MACROD1: variants seen among roughly 807,000 people sequenced by gnomAD.
The protein encoded by MACROD1 is mono-ADP ribosylhydrolase 1, also known as ADP-ribose glycohydrolase MACROD1.
Under a neutral mutation model 41.4 loss-of-function variants are expected in MACROD1, and 31 were observed. The ratio of observed to expected loss-of-function variants is 0.75; its 90% confidence interval spans 0.56 to 1.01. The LOEUF is 1.01. MACROD1 is among the 50% of genes least tolerant of loss of function. The probability of loss-of-function intolerance (pLI) is 0.00; values close to 1 mark genes in which losing one functional copy is unlikely to be tolerated. For synonymous variants in MACROD1, 252 were observed against 203.4 expected (o/e 1.24, Z -2.03); for missense variants, 473 against 460.0 (o/e 1.03, Z -0.26).
chr11:64,117,083 G>A (rs1231463806), intron 3 of MACROD1: 14 of 1,603,064 alleles, frequency 8.7e-6, no homozygotes, highest in Non-Finnish European at 1.2e-5. Context: ...GCGCCCACCT[G>A]CAGAAGCTCT....
rs1365966616 is a variant in MACROD1 at position 64,146,084 on chromosome 11, T to C, written c.517+5155A>G. Among the ~76,000 whole-genome samples, 1 of 152,160 alleles carries C rather than the reference T, an allele frequency of 6.6e-6. No individual in the cohort carries two copies. Among genetic ancestry groups the C allele is most frequent in the African/African-American group, 2.4e-5 (1 of 41,444 alleles). The stretch of plus-strand genomic sequence containing the variant: ...CGTGCCTGGCCAAGAATGGGGATCT[T>C]TCTTTGTGCCCGGACATGTCCTGCC... On this transcript the variant is annotated intron_variant, in intron 3 of 10. Coordinates refer to ENST00000255681, the MANE Select transcript of MACROD1 (RefSeq NM_014067.4). This position sits in a 1 kb window ranked among gnomAD's most constrained non-coding sequence, Gnocchi z 4.7.
At chr11:64,021,769 C>A (rs1943155252) in intron 3 of MACROD1, among the ~76,000 whole-genome samples, 1 of 152,010 alleles carries the variant, frequency 6.6e-6, no homozygotes, top group Non-Finnish European at 1.5e-5. Context: ...GTGCAGCCAG[C>A]CCCACCGTGT....
intron 1 of MACROD1, among the ~76,000 whole-genome samples, chr11:64,155,192 G>T (rs1276911001): frequency 6.6e-6 from 1 of 152,236 alleles, no homozygotes; most frequent in African/African-American, 2.4e-5. Flanking sequence ...TAAGTACAGA[G>T]TCTTCTAGGC....
intron 3 of MACROD1, among the ~76,000 whole-genome samples, chr11:64,125,465 T>G (rs543397552): frequency 6.5e-4 from 99 of 152,158 alleles, no homozygotes; most frequent in Non-Finnish European, 1.3e-3. Context: ...CGAGGCCGCC[T>G]CCTCCTCTCA....
intron 3 of MACROD1, among the ~76,000 whole-genome samples, chr11:64,139,683 G>A (rs1945383122): frequency 6.6e-6 from 1 of 150,376 alleles, no homozygotes; most frequent in Non-Finnish European, 1.5e-5. Flanking sequence ...CTGGCCGGGT[G>A]CGGTGGCTCA....
At chr11:64,116,437 T>C (rs1247044622) in intron 3 of MACROD1, 1 of 1,614,010 alleles carries the variant, frequency 6.2e-7, no homozygotes, top group East Asian at 2.2e-5. Flanking sequence ...TGCCCCTCGG[T>C]GTGCCGCTGC....
intron 3 of MACROD1, among the ~76,000 whole-genome samples, chr11:64,031,476 CT>C (rs386373983): frequency 0.045 from 5,153 of 114,684 alleles, 103 homozygotes; most frequent in South Asian, 0.12. Context: ...GCCTGCCTTC[CT>C]TTTTTTTTTT....
intron 3 of MACROD1, among the ~76,000 whole-genome samples, chr11:64,113,052 G>A (rs946980827): frequency 2.0e-5 from 3 of 152,208 alleles, no homozygotes; most frequent in African/African-American, 7.2e-5. Context: ...CCCACAGAGT[G>A]CTGCAAGCCT....
At chr11:64,144,846 G>A (rs1406169365) in intron 3 of MACROD1, among the ~76,000 whole-genome samples, 2 of 152,266 alleles carry the variant, frequency 1.3e-5, no homozygotes, top group Non-Finnish European at 2.9e-5. Flanking sequence ...GCGATTTACG[G>A]CGACAGTTCA....
chr11:64,110,908 C>T (rs916173721), intron 3 of MACROD1, among the ~76,000 whole-genome samples: 9 of 152,212 alleles, frequency 5.9e-5, no homozygotes, highest in African/African-American at 1.7e-4. Context: ...CCCCAGGTCC[C>T]GCCCTACTTT....
chr11:64,014,491 G>A (rs771353674), intron 4 of MACROD1, among the ~76,000 whole-genome samples: 38 of 152,178 alleles, frequency 2.5e-4, no homozygotes, highest in Non-Finnish European at 4.6e-4. Flanking sequence ...CCGTAAACAC[G>A]GCCCCCGGGA....
At chr11:64,153,596 G>A (rs1037529893) in intron 1 of MACROD1, among the ~76,000 whole-genome samples, 2 of 152,134 alleles carry the variant, frequency 1.3e-5, no homozygotes, top group Non-Finnish European at 2.9e-5. Flanking sequence ...CTGCTGGCAG[G>A]GGTGATAACA....
chr11:64,096,210 G>A lies in MACROD1; in HGVS notation c.517+55029C>T, dbSNP rs1021804782. Among the ~76,000 whole-genome samples, 2 of 152,216 alleles carry A rather than the reference G, an allele frequency of 1.3e-5. No homozygotes were observed. Among genetic ancestry groups the A allele is most frequent in the African/African-American group, 2.4e-5 (1 of 41,460 alleles). On this transcript the variant is annotated intron_variant, in intron 3 of 10. Transcript: ENST00000255681. This position sits in a 1 kb window ranked among gnomAD's most constrained non-coding sequence, Gnocchi z 4.6. The stretch of plus-strand genomic sequence containing the variant: ...AAGGGCCAGCCAAGAGCACTGTGAC[G>A]GGCAGGCAGGGGGTCGAACAGCCAC...
rs1945503788 is a variant in MACROD1 at position 64,146,873 on chromosome 11, GCACAGA to G, written c.517+4360_517+4365del. ...CACACACACCCCACGCATCACACAAGCACAGACACAAACATGCTACATCACAAACAC... is the reference window on the plus strand; with the variant it reads ...CACACACACCCCACGCATCACACAAGCACAAACATGCTACATCACAAACAC... On this transcript the variant is annotated intron_variant, in intron 3 of 10. Coordinates refer to ENST00000255681, the MANE Select transcript of MACROD1 (RefSeq NM_014067.4). The surrounding 1 kb of genome is among the most constrained non-coding windows in gnomAD (Gnocchi z 4.7). 6.8e-6 allele frequency among the ~76,000 whole-genome samples: 1 copy of G among 146,142 alleles called. No individual in the cohort carries two copies. The highest frequency in any genetic ancestry group is 1.5e-5 in the Non-Finnish European group (1 of 66,476).
intron 3 of MACROD1, chr11:64,103,777 C>A (rs80075235): frequency 0.04 from 6,079 of 152,292 alleles, 158 homozygotes; most frequent in Non-Finnish European, 0.062. Flanking sequence ...GAGTCGGAAC[C>A]CCCTCAGGCC....
chr11:64,103,285 C>T (rs576499560), intron 3 of MACROD1: 1 of 152,300 alleles, frequency 6.6e-6, no homozygotes, highest in Admixed American at 6.5e-5. Context: ...CTCCCTACCT[C>T]CCCAGCAAGG....
intron 3 of MACROD1, among the ~76,000 whole-genome samples, chr11:64,055,462 C>T (rs1943768208): frequency 1.3e-5 from 2 of 151,940 alleles, no homozygotes; most frequent in Admixed American, 6.5e-5. Flanking sequence ...GCTCCTGGGG[C>T]CCAGGGTCTG....
In MACROD1 at chr11:64,018,282, C is replaced by T. The variant is rs571442561; in HGVS notation, c.518-3001G>A. Among the ~76,000 whole-genome samples, 124 of 152,240 alleles carry T rather than the reference C, an allele frequency of 8.1e-4. 1 individual carries two copies. Among genetic ancestry groups the T allele is most frequent in the South Asian group, 1.2e-3 (6 of 4,826 alleles). ...CTAGCCCCCTGTGCCTGACGTCCCA[C>T]GGGTGGGGGGGCTCTGGGGGTCAGG... On this transcript the variant is annotated intron_variant, in intron 3 of 10. Coordinates refer to ENST00000255681, the MANE Select transcript of MACROD1 (RefSeq NM_014067.4).
intron 3 of MACROD1, among the ~76,000 whole-genome samples, chr11:64,085,307 G>C (rs1944373998): frequency 1.3e-5 from 2 of 152,172 alleles, no homozygotes; most frequent in Non-Finnish European, 2.9e-5. Flanking sequence ...GTTCAATTTT[G>C]AACTGAAGTG....
Sources: allele counts gnomAD v4.1 joint callset (sites outside exome capture counted in the v4.1 genomes callset), GRCh38; gene constraint gnomAD v4.1.1; non-coding constraint Gnocchi (gnomAD v3.1); transcripts MANE v1.5; gene names NCBI Gene and HGNC (gene_info 2026-07-23, HGNC 2026-07-21).